Variants in UBE4B observed in about 807,000 individuals in gnomAD.
The protein encoded by UBE4B is ubiquitin conjugation factor E4 B.
A neutral mutation model predicts 148.1 loss-of-function variants in UBE4B; 27 were observed. The ratio of observed to expected loss-of-function variants is 0.18; its 90% CI spans 0.13 to 0.25. UBE4B has a LOEUF of 0.25. Among genes scored for constraint, UBE4B ranks in the 10% least tolerant of loss-of-function variants. The pLI is 1.00. For synonymous variants in UBE4B, 596 were observed against 619.3 expected (o/e 0.96, Z 0.56); for missense variants, 1,170 against 1,662.4 (o/e 0.70, Z 5.15).
Position 10,106,852 on chromosome 1 carries a change from C to T in UBE4B, c.1196+269C>T, listed in dbSNP as rs986732638. ...GGGGCACACAGGAACCCTTTTTGGC[C>T]TTTTGTCCTGTTGCCAGTGGTAGTT... On this transcript the variant is annotated intron_variant, in intron 7 of 27. Transcript: ENST00000343090. The surrounding 1 kb of genome is among the most constrained non-coding windows in gnomAD (Gnocchi z 4.2). Among the ~76,000 whole-genome samples the T allele has an allele frequency of 2.6e-5, 4 of 152,106 alleles. No individual in the cohort carries two copies. Among genetic ancestry groups the T allele is most frequent in the Non-Finnish European group, 5.9e-5 (4 of 68,016 alleles).
chr1:10,178,361 C>A (rs1646457360), intron 25 of UBE4B, among the ~76,000 whole-genome samples: 1 of 152,018 alleles, frequency 6.6e-6, no homozygotes, highest in Non-Finnish European at 1.5e-5. Context: ...AAAAAAAGCC[C>A]GTCTGCCTCA....
intron 23 of UBE4B, among the ~76,000 whole-genome samples, chr1:10,163,587 G>A (rs531775732): frequency 1.6e-4 from 24 of 151,954 alleles, no homozygotes; most frequent in Non-Finnish European, 2.9e-4. Flanking sequence ...ATAATTGCTT[G>A]AACCCGGGAG....
At chr1:10,134,850 G>A in intron 15 of UBE4B, 138 bp from the exon 16 acceptor site, 1 of 666,712 alleles carries the variant, frequency 1.5e-6, no homozygotes, top group Non-Finnish European at 2.5e-6. Flanking sequence ...AAGGTGGGAG[G>A]ATTGCTTGAG....
chr1:10,072,247 G>A, intron 2 of UBE4B, 33 bp downstream of exon 2: 1 of 1,578,842 alleles, frequency 6.3e-7, no homozygotes, highest in South Asian at 1.2e-5. Context: ...GGACTCTTTT[G>A]TAATTCTTCT....
intron 1 of UBE4B, among the ~76,000 whole-genome samples, chr1:10,064,614 T>C (rs150369724): frequency 1.3e-5 from 2 of 152,274 alleles, no homozygotes; most frequent in East Asian, 3.9e-4. Flanking sequence ...TTCCACTCTC[T>C]ATCACCTCGT....
Position 10,132,401 on chromosome 1 carries a change from G to A in UBE4B, c.1944G>A (p.Leu648=). 6.2e-7 allele frequency: 1 copy of A among 1,614,114 alleles called. No individual in the cohort carries two copies. The highest frequency in any genetic ancestry group is 8.5e-7 in the Non-Finnish European group (1 of 1,180,016). The change falls in exon 15 of 28, where the codon TTG becomes TTA. Residue 648 remains leucine (L), a synonymous_variant. Coordinates refer to ENST00000343090, the MANE Select transcript of UBE4B (RefSeq NM_001105562.3). ...TTTTTAAGATTCTGCATAGTATTTT[G>A]TTAAATGGCGAAACCCGTGAGGCTG... ...QELFKILHSI[L]LNGETREAAL... is the part of the protein sequence containing the mutation.
At chr1:10,085,560 GTA>G (rs1644751271) in intron 2 of UBE4B, among the ~76,000 whole-genome samples, 1 of 152,174 alleles carries the variant, frequency 6.6e-6, no homozygotes, top group Non-Finnish European at 1.5e-5. Context: ...GCATAATGGA[GTA>G]TTTGGATTTG....
intron 17 of UBE4B, among the ~76,000 whole-genome samples, chr1:10,141,724 A>T (rs1393908820): frequency 6.6e-6 from 1 of 152,148 alleles, no homozygotes; most frequent in Non-Finnish European, 1.5e-5. Flanking sequence ...GTTAGAACCT[A>T]GGGGAAAATA....
chr1:10,126,356 AAGG>A (rs1186212651), intron 10 of UBE4B, among the ~76,000 whole-genome samples: 5 of 146,974 alleles, frequency 3.4e-5, no homozygotes, highest in African/African-American at 1.0e-4. Flanking sequence ...GATAGATAGA[AAGG>A]AGGAAATATT....
intron 22 of UBE4B, among the ~76,000 whole-genome samples, chr1:10,158,859 C>T (rs922226605): frequency 6.6e-6 from 1 of 151,738 alleles, no homozygotes; most frequent in Non-Finnish European, 1.5e-5. Flanking sequence ...AAATACAAAA[C>T]ATTAACTGGG....
At chr1:10,175,422 C>G (rs146745312) in intron 25 of UBE4B, among the ~76,000 whole-genome samples, 1 of 151,610 alleles carries the variant, frequency 6.6e-6, no homozygotes, top group East Asian at 1.9e-4. Flanking sequence ...GAGGCCAAGG[C>G]GGGCGGATCA....
chr1:10,097,088 A>G (rs1252785602), intron 3 of UBE4B, among the ~76,000 whole-genome samples: 2 of 151,714 alleles, frequency 1.3e-5, no homozygotes, highest in Admixed American at 1.3e-4. Context: ...TAGAATATCT[A>G]GAAATGAAAA....
chr1:10,106,548 G>A lies in UBE4B; in HGVS notation c.1161G>A (p.Thr387=), dbSNP rs1645115130. Residue 387 remains threonine (T), a synonymous_variant, in exon 7 of 28, where the codon ACG becomes ACA. Coordinates refer to ENST00000343090, the MANE Select transcript of UBE4B (RefSeq NM_001105562.3). This position sits in a 1 kb window ranked among gnomAD's most constrained non-coding sequence, Gnocchi z 4.2. ...PPLPPASPSA[T]SRRPSSLRIS... is the part of the protein sequence containing the mutation. ...TACCACCCGCCTCACCCAGTGCCAC[G>A]AGCAGACGCCCCTCCTCCCTGAGGA... 8 of 1,591,142 alleles carry A rather than the reference G, an allele frequency of 5.0e-6. No homozygotes were observed. The highest frequency in any genetic ancestry group is 2.2e-5 in the East Asian group (1 of 44,828).
At chr1:10,094,677 A>G (rs986600536) in intron 2 of UBE4B, among the ~76,000 whole-genome samples, 5 of 151,180 alleles carry the variant, frequency 3.3e-5, no homozygotes, top group South Asian at 2.1e-4. Flanking sequence ...CTTGTGATTC[A>G]CCCGCCTCGA....
chr1:10,052,879 T>A (rs1270232300), intron 1 of UBE4B, among the ~76,000 whole-genome samples: 1 of 152,184 alleles, frequency 6.6e-6, no homozygotes, highest in Non-Finnish European at 1.5e-5. Context: ...AAGATCAAGG[T>A]GCTAAGAGAT....
At chr1:10,153,758 G>A (rs1407515549) in intron 21 of UBE4B, among the ~76,000 whole-genome samples, 1 of 151,796 alleles carries the variant, frequency 6.6e-6, no homozygotes, top group Admixed American at 6.6e-5. Context: ...GATGAGCCTC[G>A]CCAACATGGT....
At chr1:10,150,924 G>A (rs1645964139) in intron 20 of UBE4B, among the ~76,000 whole-genome samples, 1 of 150,038 alleles carries the variant, frequency 6.7e-6, no homozygotes, top group African/African-American at 2.5e-5. Flanking sequence ...CATTTTGGGA[G>A]GTCGAGGCGG....
At chr1:10,118,142 CT>C (rs144399234) in intron 8 of UBE4B, among the ~76,000 whole-genome samples, 2,630 of 152,282 alleles carry the variant, frequency 0.017, 34 homozygotes, top group Non-Finnish European at 0.027. Flanking sequence ...GTAAGCTACC[CT>C]TTTCCCATCA....
intron 5 of UBE4B, 71 bp downstream of exon 5, chr1:10,103,163 C>G: frequency 6.9e-7 from 1 of 1,448,466 alleles, no homozygotes. Flanking sequence ...TCTTTGCCCT[C>G]TGTTATCCAC....
Sources: allele counts gnomAD v4.1 joint callset (sites outside exome capture counted in the v4.1 genomes callset), GRCh38; gene constraint gnomAD v4.1.1; non-coding constraint Gnocchi (gnomAD v3.1); transcripts MANE v1.5; gene names NCBI Gene and HGNC (gene_info 2026-07-23, HGNC 2026-07-21).